Variants in DNAH9 observed in about 807,000 individuals in gnomAD.
The protein encoded by DNAH9 is dynein axonemal heavy chain 9.
In DNAH9, 345 loss-of-function variants were observed where a neutral mutation model predicts 471.6. That is an observed-to-expected ratio of 0.73 (90% CI 0.67 to 0.80). The LOEUF (loss-of-function observed/expected upper bound fraction) is 0.80. DNAH9 is among the 30% of genes least tolerant of loss of function. DNAH9 has a pLI of 0.00. For missense variants in DNAH9, 5,407 were observed against 5,609.2 expected (o/e 0.96, Z 1.15); for synonymous variants, 2,093 against 2,123.6 (o/e 0.99, Z 0.40).
At chr17:11,730,665 G>A (rs1165082708) in intron 28 of DNAH9, among the ~76,000 whole-genome samples, 1 of 152,102 alleles carries the variant, frequency 6.6e-6, no homozygotes, top group Non-Finnish European at 1.5e-5. Flanking sequence ...TTTTAAATGA[G>A]TTATATCTCT....
At chr17:11,946,442 T>A (rs896754706) in intron 67 of DNAH9, among the ~76,000 whole-genome samples, 2 of 151,308 alleles carry the variant, frequency 1.3e-5, no homozygotes, top group African/African-American at 4.9e-5. Flanking sequence ...GGTGGGTGGA[T>A]CACAAGGTCA....
chr17:11,893,127 C>A (rs901016630), intron 58 of DNAH9, among the ~76,000 whole-genome samples: 1 of 148,236 alleles, frequency 6.7e-6, no homozygotes, highest in African/African-American at 2.5e-5. Context: ...TGCCTCACCC[C>A]TCTCACCCCC....
Position 11,598,847 on chromosome 17 carries a change from C to T in DNAH9, c.349C>T (p.Arg117Cys), listed in dbSNP as rs1473794952. The change falls in exon 1 of 69, where the codon CGC becomes TGC. Residue 117 changes from arginine to cysteine, a missense_variant. Arg to Cys is a radical substitution (Grantham distance 180). Around this residue, in one of 3 missense-constraint regions of DNAH9, gnomAD observed 767 missense variants for 692.5 expected, o/e 1.11. Coordinates refer to ENST00000262442, the MANE Select transcript of DNAH9 (RefSeq NM_001372.4). ...CGAGCCTCCAGGGCCCGACAGCTTCCGCGGCGCAGTGGTCTGCGGGGACCT... is the reference window on the plus strand; with the variant it reads ...CGAGCCTCCAGGGCCCGACAGCTTCTGCGGCGCAGTGGTCTGCGGGGACCT... Reference protein sequence around the residue: ...GPEPPGPDSFRGAVVCGDLPA... With the variant: ...GPEPPGPDSFCGAVVCGDLPA... The T allele has an allele frequency of 1.3e-6, 2 of 1,524,948 alleles. No homozygotes were observed. Among genetic ancestry groups the T allele is most frequent in the East Asian group, 2.6e-5 (1 of 37,914 alleles). The allele number at this position is 1,524,948 out of a possible 1,614,324, so 94.5% of individuals were successfully genotyped here. A position where few individuals can be genotyped will look rare whatever the true frequency, so the allele number is the denominator to read the frequency against.
Position 11,925,005 on chromosome 17 carries a change from C to T in DNAH9, c.11877+1064C>T, listed in dbSNP as rs191291687. ...ATCTCTCAGGGCCGGCCTGCCTAAT[C>T]CTCTTTTATGCCACTTGTATACATG... On this transcript the variant is annotated intron_variant, in intron 62 of 68. Coordinates refer to ENST00000262442, the MANE Select transcript of DNAH9 (RefSeq NM_001372.4). Among the ~76,000 whole-genome samples, 205 of 152,290 alleles carry T rather than the reference C, an allele frequency of 1.3e-3. 2 individuals are homozygous for T. Among genetic ancestry groups the T allele is most frequent in the Non-Finnish European group, 2.1e-3 (142 of 68,032 alleles).
At chr17:11,814,449 T>G (rs920557652) in intron 45 of DNAH9, among the ~76,000 whole-genome samples, 2 of 152,226 alleles carry the variant, frequency 1.3e-5, no homozygotes, top group African/African-American at 4.8e-5. Context: ...AGGATTTTCC[T>G]TTTGCTTTCC....
intron 32 of DNAH9, 49 bp downstream of exon 32, chr17:11,747,815 C>T (rs200852545): frequency 1.3e-6 from 2 of 1,524,718 alleles, no homozygotes; most frequent in East Asian, 2.3e-5. Flanking sequence ...CCTCAGAGTC[C>T]CTGTGGCGGG....
Position 11,752,813 on chromosome 17 carries a change from G to A in DNAH9, c.6611-20G>A, listed in dbSNP as rs1383607122. On this transcript the variant is annotated intron_variant, in intron 32 of 68. Coordinates refer to ENST00000262442, the MANE Select transcript of DNAH9 (RefSeq NM_001372.4). ...GATTAATGAAGAAATGGAAAATAAG[G>A]TGTCAGTGGTTCCTTTTAGGATTGT... The A allele has an allele frequency of 2.0e-6, 3 of 1,535,638 alleles. No individual in the cohort carries two copies. Among genetic ancestry groups the A allele is most frequent in the South Asian group, 1.3e-5 (1 of 77,276 alleles).
chr17:11,626,940 A>T lies in DNAH9; in HGVS notation c.1351-2477A>T, dbSNP rs2072980231. On this transcript the variant is annotated intron_variant, in intron 6 of 68. Transcript: ENST00000262442. The surrounding 1 kb of genome is among the most constrained non-coding windows in gnomAD (Gnocchi z 4.3). ...GGTCAGGGACTCTTCCAGGCACTGG[A>T]AATACCGAGATACCTTTGGGGCATT... 6.6e-6 allele frequency among the ~76,000 whole-genome samples: 1 copy of T among 152,190 alleles called. No homozygotes were observed. The highest frequency in any genetic ancestry group is 2.1e-4 in the South Asian group (1 of 4,830).
intron 10 of DNAH9, among the ~76,000 whole-genome samples, chr17:11,642,908 A>G (rs867204168): frequency 6.6e-6 from 1 of 152,232 alleles, no homozygotes. Context: ...AGGGGGAAAA[A>G]AAAACGCCAG....
chr17:11,761,466 T>C (rs529971005), intron 35 of DNAH9, among the ~76,000 whole-genome samples: 2 of 152,340 alleles, frequency 1.3e-5, no homozygotes, highest in South Asian at 4.1e-4. Flanking sequence ...AAATCTTTCA[T>C]CTGTTATTCT....
Position 11,714,558 on chromosome 17 carries a change from A to G in DNAH9, c.5553-4776A>G, listed in dbSNP as rs76415861. ...GATCTCTAAGGACCCTCACCCTTCTATAGTCTCTTCCCTTTTGAGTGTGAG... is the reference window on the plus strand; with the variant it reads ...GATCTCTAAGGACCCTCACCCTTCTGTAGTCTCTTCCCTTTTGAGTGTGAG... On this transcript the variant is annotated intron_variant, in intron 26 of 68. Coordinates refer to ENST00000262442, the MANE Select transcript of DNAH9 (RefSeq NM_001372.4). Among the ~76,000 whole-genome samples, 518 of 152,272 alleles carry G rather than the reference A, an allele frequency of 3.4e-3. 4 individuals carry two copies. Among genetic ancestry groups the G allele is most frequent in the African/African-American group, 0.012 (488 of 41,570 alleles).
chr17:11,680,911 CT>C (rs1314461571), intron 19 of DNAH9, 22 bp downstream of exon 19: 2 of 1,590,616 alleles, frequency 1.3e-6, no homozygotes, highest in African/African-American at 2.7e-5. Flanking sequence ...ACACTGCTGC[CT>C]CTCTTTCTGT....
intron 57 of DNAH9, among the ~76,000 whole-genome samples, chr17:11,891,566 T>C (rs917762791): frequency 6.6e-6 from 1 of 152,182 alleles, no homozygotes. Flanking sequence ...CGTTTCACCA[T>C]GTTGGCCAGG....
At chr17:11,808,639 G>A (rs540898521) in intron 44 of DNAH9, among the ~76,000 whole-genome samples, 10 of 152,274 alleles carry the variant, frequency 6.6e-5, no homozygotes, top group East Asian at 1.9e-4. Context: ...CATCAAGTTC[G>A]TATTAGGTCT....
In DNAH9 at chr17:11,611,650, G is replaced by A. The variant is rs1056994413; in HGVS notation, c.774G>A (p.Arg258=). 17 of 1,613,564 alleles carry A rather than the reference G, an allele frequency of 1.1e-5. No homozygotes were observed. The African/African-American group carries it at 1.7e-4, about 16-fold the overall frequency. Residue 258 remains arginine (R), a splice_region_variant and synonymous_variant, in exon 4 of 69, where the codon AGG becomes AGA. Coordinates refer to ENST00000262442, the MANE Select transcript of DNAH9 (RefSeq NM_001372.4). The part of the protein sequence containing the change: ...PKVELEFWKS[R]YEDLKYIYNQ... ...TTCACCCTTCTTCATGATATTGCAG[G>A]TATGAAGATCTGAAATACATCTATA...
chr17:11,788,960 TAAC>T (rs1968972645), intron 41 of DNAH9, among the ~76,000 whole-genome samples: 2 of 152,118 alleles, frequency 1.3e-5, no homozygotes, highest in African/African-American at 4.8e-5. Flanking sequence ...TGTTGAAACT[TAAC>T]AAATGATTTT....
At chr17:11,809,708 T>C (rs920024514) in intron 44 of DNAH9, among the ~76,000 whole-genome samples, 5 of 152,186 alleles carry the variant, frequency 3.3e-5, no homozygotes, top group African/African-American at 9.6e-5. Flanking sequence ...GTCATTCAGT[T>C]GTTTGAGTCT....
chr17:11,738,570 G>A lies in DNAH9; in HGVS notation c.5815-310G>A, dbSNP rs151300849. 1.2e-3 allele frequency among the ~76,000 whole-genome samples: 186 copies of A among 152,158 alleles called. 1 individual carries two copies. Among genetic ancestry groups the A allele is most frequent in the African/African-American group, 4.2e-3 (173 of 41,496 alleles). On this transcript the variant is annotated intron_variant, in intron 28 of 68. Coordinates refer to ENST00000262442, the MANE Select transcript of DNAH9 (RefSeq NM_001372.4). Reference sequence around the variant, plus strand: ...TGATTTTTGTATTTTTAGTAGAGACGGGGTTTCACCATGTTGGCCAGGCTA... The same window carrying A: ...TGATTTTTGTATTTTTAGTAGAGACAGGGTTTCACCATGTTGGCCAGGCTA...
At chr17:11,952,175 T>C (rs1975395660) in intron 67 of DNAH9, among the ~76,000 whole-genome samples, 1 of 148,708 alleles carries the variant, frequency 6.7e-6, no homozygotes, top group African/African-American at 2.5e-5. Context: ...AGTCTTGCTC[T>C]GTTGCCCAGG....
Sources: allele counts gnomAD v4.1 joint callset (sites outside exome capture counted in the v4.1 genomes callset), GRCh38; gene constraint gnomAD v4.1.1; regional missense constraint gnomAD v4.1.1; non-coding constraint Gnocchi (gnomAD v3.1); transcripts MANE v1.5; gene names NCBI Gene and HGNC (gene_info 2026-07-23, HGNC 2026-07-21).